Variants in NIBAN1 observed in about 807,000 individuals in gnomAD.
NIBAN1 encodes niban apoptosis regulator 1.
A neutral mutation model predicts 75.1 loss-of-function variants in NIBAN1; 81 were observed. The ratio of observed to expected loss-of-function variants is 1.08; its 90% CI spans 0.90 to 1.30. The LOEUF (loss-of-function observed/expected upper bound fraction) is 1.30, where lower values mean the gene tolerates loss of function less well. Ranked by LOEUF, NIBAN1 falls within the 50% of genes most tolerant of loss-of-function variation. The pLI, the probability that NIBAN1 is intolerant of heterozygous loss-of-function variation, is 0.00. For missense variants in NIBAN1, 1,133 were observed against 1,128.1 expected (o/e 1.00, Z -0.06); for synonymous variants, 436 against 424.8 (o/e 1.03, Z -0.32).
chr1:184,858,110 T>TTAA (rs558996923), intron 5 of NIBAN1, among the ~76,000 whole-genome samples: 1 of 151,880 alleles, frequency 6.6e-6, no homozygotes, highest in Non-Finnish European at 1.5e-5. Context: ...TAATTAAAGG[T>TTAA]TAATAATAAC....
intron 11 of NIBAN1, among the ~76,000 whole-genome samples, chr1:184,804,684 G>A (rs556053398): frequency 1.8e-4 from 27 of 151,362 alleles, no homozygotes; most frequent in Admixed American, 5.3e-4. Flanking sequence ...CTTTCTGTAC[G>A]CTAAAGCATT....
At chr1:184,798,012 CAG>C in intron 13 of NIBAN1, 65 bp downstream of exon 13, 1 of 995,514 alleles carries the variant, frequency 1.0e-6, no homozygotes, top group Non-Finnish European at 1.5e-6. Context: ...ACTGGCCTTA[CAG>C]AGTCCTATTT....
chr1:184,798,031 T>A, intron 13 of NIBAN1, 48 bp downstream of exon 13: 1 of 1,257,792 alleles, frequency 8.0e-7, no homozygotes, highest in East Asian at 2.4e-5. Context: ...ATTTCAGGGA[T>A]GCTCCCCTCT....
At chr1:184,897,917 C>T (rs941094469) in intron 2 of NIBAN1, among the ~76,000 whole-genome samples, 2 of 152,234 alleles carry the variant, frequency 1.3e-5, no homozygotes, top group African/African-American at 4.8e-5. Flanking sequence ...CCCTCAGATG[C>T]TACAGTATCC....
chr1:184,885,201 A>G (rs1656490888), intron 4 of NIBAN1, among the ~76,000 whole-genome samples: 1 of 152,072 alleles, frequency 6.6e-6, no homozygotes, highest in South Asian at 2.1e-4. Context: ...GGCGCATACC[A>G]CCACCTCCAG....
chr1:184,964,078 A>AG (rs1360319503), intron 1 of NIBAN1, among the ~76,000 whole-genome samples: 1 of 151,102 alleles, frequency 6.6e-6, no homozygotes, highest in Admixed American at 6.6e-5. Flanking sequence ...AAAAAAAAAA[A>AG]GGAACCAAGA....
In NIBAN1 at chr1:184,890,177, C is replaced by G; in HGVS notation, c.364G>C (p.Gly122Arg). 6.2e-7 allele frequency: 1 copy of G among 1,613,882 alleles called. No homozygotes were observed. The highest frequency in any genetic ancestry group is 8.5e-7 in the Non-Finnish European group (1 of 1,179,858). The change falls in exon 4 of 14, where the codon GGT (glycine) becomes CGT (arginine). Residue 122 changes from glycine to arginine, a missense_variant. Coordinates refer to ENST00000367511, the MANE Select transcript of NIBAN1 (RefSeq NM_052966.4). ...TCTTCTGAGGTTAACACCTTGCCAC[C>G]GGCTGGAAGAATTCGACATTTAGGA... The part of the protein sequence containing the change: ...AAPKCRILPA[G>R]GKVLTSEDEY...
chr1:184,836,238 G>A (rs997084073), intron 5 of NIBAN1, among the ~76,000 whole-genome samples: 3 of 152,096 alleles, frequency 2.0e-5, no homozygotes, highest in Admixed American at 6.6e-5. Flanking sequence ...TTATTACATT[G>A]GGATTCAAGA....
intron 11 of NIBAN1, among the ~76,000 whole-genome samples, 192 bp from the exon 12 acceptor site, chr1:184,803,884 C>T (rs1557870045): frequency 6.6e-6 from 1 of 152,098 alleles, no homozygotes; most frequent in East Asian, 1.9e-4. Context: ...TGATAATGAC[C>T]CATCTCACTC....
chr1:184,801,005 T>C (rs555938770), intron 12 of NIBAN1, among the ~76,000 whole-genome samples: 2 of 152,314 alleles, frequency 1.3e-5, no homozygotes, highest in African/African-American at 4.8e-5. Context: ...CCAAATGGCT[T>C]GCCTTTTATC....
rs139222042 is a variant in NIBAN1, at chr1:184,867,151, G to GTC, written c.601+17480_601+17481dup. 6.1e-3 allele frequency among the ~76,000 whole-genome samples: 874 copies of GTC among 143,716 alleles called. 3 individuals are homozygous for GTC. Among genetic ancestry groups the GTC allele is most frequent in the African/African-American group, 0.011 (440 of 39,192 alleles). The allele number at this position is 143,716 out of a possible 152,430, so 94.3% of individuals were successfully genotyped here. Reference sequence around the variant, plus strand: ...CATCACACACAGACACTCTCTCTCGGTCTCTCTCTCTCTCTCTCTCACACA... The same window carrying GTC: ...CATCACACACAGACACTCTCTCTCGGTCTCTCTCTCTCTCTCTCTCTCACACA... On this transcript the variant is annotated intron_variant, in intron 5 of 13. Transcript: ENST00000367511.
chr1:184,807,962 G>A, intron 10 of NIBAN1, 112 bp downstream of exon 10: 1 of 1,246,626 alleles, frequency 8.0e-7, no homozygotes, highest in Middle Eastern at 1.9e-4. Flanking sequence ...GATGGCTAAA[G>A]AGACGCGACG....
intron 4 of NIBAN1, among the ~76,000 whole-genome samples, chr1:184,885,760 A>C (rs540247895): frequency 4.4e-4 from 67 of 152,332 alleles, no homozygotes; most frequent in African/African-American, 1.5e-3. Context: ...CATTTATGTC[A>C]TCCTGACTGC....
At chr1:184,853,902 T>G (rs972192294) in intron 5 of NIBAN1, among the ~76,000 whole-genome samples, 1 of 152,172 alleles carries the variant, frequency 6.6e-6, no homozygotes, top group Non-Finnish European at 1.5e-5. Context: ...TCAAGAGAAA[T>G]ATAATGAAAT....
rs769371453 is a variant in NIBAN1 at position 184,899,190 on chromosome 1, A to G, written c.175T>C (p.Leu59=). 6.2e-7 allele frequency: 1 copy of G among 1,613,868 alleles called. No homozygotes were observed. The highest frequency in any genetic ancestry group is 8.5e-7 in the Non-Finnish European group (1 of 1,179,794). The change falls in exon 2 of 14, where the codon TTG becomes CTG. Residue 59 remains leucine, a synonymous_variant. Transcript: ENST00000367511. ...TATCCATGGCTTACCTTGGTCTTCAAAAACTGTGACGTTAAATCTCTTTGC... is the reference window on the plus strand; with the variant it reads ...TATCCATGGCTTACCTTGGTCTTCAGAAACTGTGACGTTAAATCTCTTTGC... ...EQQRDLTSQF[L]KTKPPLAPGT...
intron 1 of NIBAN1, among the ~76,000 whole-genome samples, chr1:184,940,664 A>G (rs1185959858): frequency 6.6e-6 from 1 of 152,238 alleles, no homozygotes; most frequent in Non-Finnish European, 1.5e-5. Context: ...TATGATTCCT[A>G]TTAACTTCCT....
chr1:184,818,238 T>C (rs139053729), intron 9 of NIBAN1, among the ~76,000 whole-genome samples: 1 of 152,296 alleles, frequency 6.6e-6, no homozygotes, highest in East Asian at 1.9e-4. Context: ...ATAAAAACTA[T>C]AGGAAAAATA....
chr1:184,954,820 G>A (rs1658442640), intron 1 of NIBAN1, among the ~76,000 whole-genome samples: 1 of 152,170 alleles, frequency 6.6e-6, no homozygotes, highest in Non-Finnish European at 1.5e-5. Flanking sequence ...TTACTAGCTA[G>A]GCAGATGAGA....
chr1:184,959,255 G>A (rs1209384766), intron 1 of NIBAN1, among the ~76,000 whole-genome samples: 1 of 152,208 alleles, frequency 6.6e-6, no homozygotes, highest in Non-Finnish European at 1.5e-5. Flanking sequence ...CAACTCCATG[G>A]AGAATGTTGG....
Sources: allele counts gnomAD v4.1 joint callset (sites outside exome capture counted in the v4.1 genomes callset), GRCh38; gene constraint gnomAD v4.1.1; transcripts MANE v1.5; gene names NCBI Gene and HGNC (gene_info 2026-07-23, HGNC 2026-07-21).